Variants in LRP1B observed in about 807,000 individuals in gnomAD.
LRP1B encodes the protein low-density lipoprotein receptor-related protein 1B.
A neutral mutation model predicts 556.6 loss-of-function variants in LRP1B; 217 were observed. That is an observed-to-expected ratio of 0.39 (90% CI 0.35 to 0.44). The LOEUF is 0.44. Among genes scored for constraint, LRP1B ranks in the 20% least tolerant of loss-of-function variants. The probability of loss-of-function intolerance (pLI) is 1.00; values close to 1 mark genes in which losing one functional copy is unlikely to be tolerated. For missense variants in LRP1B, 5,053 were observed against 5,620.8 expected, an observed-to-expected ratio of 0.90 and a Z score of 3.23; for synonymous variants, 2,047 against 1,865.8, an observed-to-expected ratio of 1.10 and a Z score of -2.50.
chr2:141,408,629 A>T (rs1374962447), intron 3 of LRP1B, among the ~76,000 whole-genome samples: 1 of 152,088 alleles, frequency 6.6e-6, no homozygotes, highest in African/African-American at 2.4e-5. Flanking sequence ...GGTTTTTCAT[A>T]CTTATCAAGT....
chr2:141,583,136 A>G (rs912886187), intron 2 of LRP1B, among the ~76,000 whole-genome samples: 3 of 152,020 alleles, frequency 2.0e-5, no homozygotes, highest in Non-Finnish European at 4.4e-5. Context: ...ACGCCCGGCC[A>G]ACAATAATCA....
chr2:140,999,869 A>G (rs1055343865), intron 15 of LRP1B, among the ~76,000 whole-genome samples: 1 of 151,942 alleles, frequency 6.6e-6, no homozygotes, highest in African/African-American at 2.4e-5. Flanking sequence ...CAATACTGAA[A>G]ACCCATTCGT....
At chr2:141,687,431 T>C (rs2105439715) in intron 2 of LRP1B, among the ~76,000 whole-genome samples, 1 of 152,158 alleles carries the variant, frequency 6.6e-6, no homozygotes, top group East Asian at 1.9e-4. Flanking sequence ...ATTAATTAGC[T>C]ACATTATTAT....
chr2:140,552,007 C>A (rs1438249139), intron 43 of LRP1B, among the ~76,000 whole-genome samples: 1 of 152,102 alleles, frequency 6.6e-6, no homozygotes, highest in East Asian at 1.9e-4. Flanking sequence ...GAAGTTAGCT[C>A]AAGGTCACAG....
At chr2:140,900,909 G>A (rs558621186) in intron 23 of LRP1B, among the ~76,000 whole-genome samples, 2 of 152,300 alleles carry the variant, frequency 1.3e-5, no homozygotes, top group Admixed American at 1.3e-4. Context: ...AGGATTTCTG[G>A]AGATGAAGTG....
intron 31 of LRP1B, among the ~76,000 whole-genome samples, chr2:140,828,423 C>A (rs369544306): frequency 0.035 from 5,233 of 148,520 alleles, 312 homozygotes; most frequent in African/African-American, 0.12. Context: ...TCCTGGCTAA[C>A]ACGGTGAAAC....
At chr2:141,165,910 C>G (rs889086367) in intron 7 of LRP1B, among the ~76,000 whole-genome samples, 4 of 152,108 alleles carry the variant, frequency 2.6e-5, no homozygotes, top group Non-Finnish European at 4.4e-5. Context: ...TAAGCCATAG[C>G]TATTTCCAAT....
intron 1 of LRP1B, among the ~76,000 whole-genome samples, chr2:142,024,900 A>G (rs920069991): frequency 8.6e-5 from 13 of 152,008 alleles, no homozygotes; most frequent in Non-Finnish European, 4.4e-5. Context: ...TTGAGCACCT[A>G]CCCAATGGAG....
At chr2:141,458,566 T>A (rs1016067938) in intron 3 of LRP1B, among the ~76,000 whole-genome samples, 5 of 152,170 alleles carry the variant, frequency 3.3e-5, no homozygotes, top group Non-Finnish European at 5.9e-5. Context: ...ATGATTTATT[T>A]TTTTTAGGCT....
intron 66 of LRP1B, among the ~76,000 whole-genome samples, chr2:140,432,412 C>A (rs1038058152): frequency 2.6e-5 from 4 of 152,194 alleles, no homozygotes; most frequent in Non-Finnish European, 4.4e-5. Flanking sequence ...AACATTTCCT[C>A]AAAAGAAACT....
chr2:141,098,081 T>C (rs959515239), intron 7 of LRP1B, among the ~76,000 whole-genome samples: 1 of 152,212 alleles, frequency 6.6e-6, no homozygotes, highest in African/African-American at 2.4e-5. Context: ...ACACTTCATA[T>C]GATTCTTGTG....
intron 2 of LRP1B, among the ~76,000 whole-genome samples, chr2:141,656,347 T>C (rs1690007889): frequency 6.6e-6 from 1 of 152,152 alleles, no homozygotes; most frequent in Admixed American, 6.6e-5. Flanking sequence ...AGGAATCCCT[T>C]ATAAGACATT....
chr2:140,328,630 T>C (rs1245593143), intron 79 of LRP1B, among the ~76,000 whole-genome samples: 1 of 152,090 alleles, frequency 6.6e-6, no homozygotes, highest in Non-Finnish European at 1.5e-5. Context: ...CCAAAATTTG[T>C]AAGATAGTAA....
In LRP1B at chr2:141,184,648, C is replaced by T. The variant is rs533560932; in HGVS notation, c.1013+3773G>A. ...TTTCCATTACTTCAGATGTTCATTT[C>T]TAATAGCTCCTATGTCACGTCAAAC... On this transcript the variant is annotated intron_variant, in intron 7 of 90. Transcript: ENST00000389484. Among the ~76,000 whole-genome samples, 7 of 148,596 alleles carry T rather than the reference C, an allele frequency of 4.7e-5. No individual in the cohort carries two copies. The South Asian group carries it at 1.5e-3, about 32-fold the overall frequency.
chr2:141,305,737 G>A (rs114498076), intron 3 of LRP1B, among the ~76,000 whole-genome samples: 2,351 of 152,254 alleles, frequency 0.015, 56 homozygotes, highest in African/African-American at 0.053. Context: ...GTTATACACA[G>A]TCTCTATTAT....
At chr2:141,816,852 A>T (rs1261909487) in intron 1 of LRP1B, among the ~76,000 whole-genome samples, 1 of 152,086 alleles carries the variant, frequency 6.6e-6, no homozygotes, top group Non-Finnish European at 1.5e-5. Flanking sequence ...CTATGTTATC[A>T]GCTCGCTAAA....
At position 141,131,407 on chromosome 2, in the gene LRP1B, T is replaced by TTTTATATATATATA. The variant is rs976965390; in HGVS notation, c.1013+57013_1013+57014insTATATATATATAAA. ...GGTTACAAAATTATAATGCATAAAG[T>TTTTATATATATATA]TATATATATATATATATATATATTT... On this transcript the variant is annotated intron_variant, in intron 7 of 90. Coordinates refer to ENST00000389484, the MANE Select transcript of LRP1B (RefSeq NM_018557.3). Among the ~76,000 whole-genome samples, 118 of 110,694 alleles carry TTTTATATATATATA rather than the reference T, an allele frequency of 1.1e-3. 3 individuals carry two copies. The highest frequency in any genetic ancestry group is 3.4e-3 in the African/African-American group (89 of 25,858). The allele number at this position is 110,694 out of a possible 152,430, so 72.6% of individuals were successfully genotyped here.
Position 140,356,452 on chromosome 2 carries a change from T to A in LRP1B, c.11420A>T (p.Asp3807Val). Residue 3807 changes from aspartate to valine, a missense_variant, in exon 75 of 91, where the codon GAT becomes GTT. Transcript: ENST00000389484. ...RIAPTEYTCEDNVNPCGDDAY... is the reference protein window; with the variant it reads ...RIAPTEYTCEVNVNPCGDDAY... The stretch of plus-strand genomic sequence containing the variant: ...ATCATCTCCACATGGATTCACATTA[T>A]CTTCACAGGTATATTCAGTAGGAGC... The A allele has an allele frequency of 6.2e-7, 1 of 1,606,584 alleles. No homozygotes were observed. The highest frequency in any genetic ancestry group is 1.3e-5 in the African/African-American group (1 of 74,704).
intron 3 of LRP1B, among the ~76,000 whole-genome samples, chr2:141,289,101 C>T (rs576196581): frequency 1.3e-5 from 2 of 148,730 alleles, no homozygotes; most frequent in South Asian, 2.1e-4. Flanking sequence ...AATGCAAATG[C>T]GGCCGGGCGC....
Sources: allele counts gnomAD v4.1 joint callset (sites outside exome capture counted in the v4.1 genomes callset), GRCh38; gene constraint gnomAD v4.1.1; transcripts MANE v1.5; gene names NCBI Gene and HGNC (gene_info 2026-07-23, HGNC 2026-07-21).